Variants in CNTROB observed in about 807,000 individuals in gnomAD.
The protein encoded by CNTROB is centrobin, centriole duplication and spindle assembly protein.
In CNTROB, 82 loss-of-function variants were observed where a neutral mutation model predicts 115.7. That is an observed-to-expected ratio of 0.71 (90% CI 0.59 to 0.85). The LOEUF (loss-of-function observed/expected upper bound fraction) is 0.85, where lower values mean the gene tolerates loss of function less well. Among genes scored for constraint, CNTROB ranks in the 40% least tolerant of loss-of-function variants. CNTROB has a pLI of 0.00. For missense variants in CNTROB, 1,014 were observed against 1,144.4 expected (o/e 0.89, Z 1.64); for synonymous variants, 439 against 456.4 (o/e 0.96, Z 0.49).
At chr17:7,934,347 C>A in intron 2 of CNTROB, 118 bp from the exon 3 acceptor site, 1 of 1,331,282 alleles carries the variant, frequency 7.5e-7, no homozygotes, top group Non-Finnish European at 1.1e-6. Flanking sequence ...GTCTCCCGTT[C>A]TTTGGGAGAG....
Position 7,944,353 on chromosome 17 carries a change from T to A in CNTROB, c.1571+105T>A. The A allele has an allele frequency of 6.4e-7, 1 of 1,554,346 alleles. No homozygotes were observed. The highest frequency in any genetic ancestry group is 8.9e-7 in the Non-Finnish European group (1 of 1,127,498). On this transcript the variant is annotated intron_variant, in intron 11 of 18. Transcript: ENST00000563694. This position sits in a 1 kb window ranked among gnomAD's most constrained non-coding sequence, Gnocchi z 4.0. ...TGCTCCCTTGATTGATCTGTCCTCC[T>A]CTACATGGGCCCCAGCTCCTTTCAG...
Position 7,949,620 on chromosome 17 carries a change from T to C in CNTROB, c.*110T>C, listed in dbSNP as rs1974994250. The C allele has an allele frequency of 8.6e-7, 1 of 1,167,972 alleles. No homozygotes were observed. The highest frequency in any genetic ancestry group is 2.1e-4 in the Middle Eastern group (1 of 4,800). 72.4% of individuals were successfully genotyped at this position (1,167,972 alleles called of 1,614,324 possible). Reference sequence around the variant, plus strand: ...ATAGGAATTTGGAAAATAGAGGTTTTGTAGGGAATCACTTCGTAAAGAAAC... The same window carrying C: ...ATAGGAATTTGGAAAATAGAGGTTTCGTAGGGAATCACTTCGTAAAGAAAC... On this transcript the variant is annotated 3_prime_UTR_variant, in exon 19 of 19. Coordinates refer to ENST00000563694, the MANE Select transcript of CNTROB (RefSeq NM_053051.5).
rs1973557480 is a variant in CNTROB at position 7,939,282 on chromosome 17, G to A, written c.928-231G>A. ...TAATTTTTGTATTTTTAGTAGAGAT[G>A]GGGTTTCACCATGTTGGACCAGGCT... On this transcript the variant is annotated intron_variant, in intron 7 of 18. Transcript: ENST00000563694. This position sits in a 1 kb window ranked among gnomAD's most constrained non-coding sequence, Gnocchi z 4.4. 6.7e-6 allele frequency among the ~76,000 whole-genome samples: 1 copy of A among 149,198 alleles called. No individual in the cohort carries two copies. Among genetic ancestry groups the A allele is most frequent in the Admixed American group, 6.7e-5 (1 of 14,996 alleles).
Position 7,939,873 on chromosome 17 carries a change from G to A in CNTROB, c.1164+124G>A. On this transcript the variant is annotated intron_variant, in intron 8 of 18. Coordinates refer to ENST00000563694, the MANE Select transcript of CNTROB (RefSeq NM_053051.5). The surrounding 1 kb of genome is among the most constrained non-coding windows in gnomAD (Gnocchi z 4.4). ...GCAGGAATGGAGAGTAGAGAGCCATGTGTGGGAGACAAGGTTGAGAGTATA... is the reference window on the plus strand; with the variant it reads ...GCAGGAATGGAGAGTAGAGAGCCATATGTGGGAGACAAGGTTGAGAGTATA... 9.2e-7 allele frequency: 1 copy of A among 1,087,916 alleles called. No homozygotes were observed. The highest frequency in any genetic ancestry group is 1.5e-5 in the South Asian group (1 of 68,950). 67.4% of individuals were successfully genotyped at this position (1,087,916 alleles called of 1,614,324 possible). A position where few individuals can be genotyped will look rare whatever the true frequency, so the allele number is the denominator to read the frequency against.
At chr17:7,940,794 A>AAATTC (rs902081620) in intron 9 of CNTROB, among the ~76,000 whole-genome samples, 2 of 152,250 alleles carry the variant, frequency 1.3e-5, no homozygotes, top group African/African-American at 4.8e-5. Context: ...ACTGAATTTT[A>AAATTC]AATTCAAACT....
Position 7,935,173 on chromosome 17 carries a change from G to C in CNTROB, c.594+28G>C, listed in dbSNP as rs572996043. 121 of 1,613,460 alleles carry C rather than the reference G, an allele frequency of 7.5e-5. No individual in the cohort carries two copies. In the East Asian group the frequency reaches 1.5e-3, roughly 20 times the overall value. Reference sequence around the variant, plus strand: ...AAGATGCAAACGCTTCCTTTCGAAAGCAGCAAAGATTAGAAAGAGGGGACC... The same window carrying C: ...AAGATGCAAACGCTTCCTTTCGAAACCAGCAAAGATTAGAAAGAGGGGACC... On this transcript the variant is annotated intron_variant, in intron 4 of 18. Coordinates refer to ENST00000563694, the MANE Select transcript of CNTROB (RefSeq NM_053051.5).
intron 1 of CNTROB, among the ~76,000 whole-genome samples, chr17:7,933,703 A>C (rs1972800833): frequency 6.6e-6 from 1 of 152,246 alleles, no homozygotes; most frequent in African/African-American, 2.4e-5. Flanking sequence ...CGATCCTTCC[A>C]GCTCAACACT....
rs144153891 is a variant in CNTROB, at chr17:7,949,039, G to A, written c.2514-46G>A. 2.4e-3 allele frequency: 3,910 copies of A among 1,612,104 alleles called. 11 individuals are homozygous for A. The highest frequency in any genetic ancestry group is 3.5e-3 in the South Asian group (315 of 91,020). On this transcript the variant is annotated intron_variant, in intron 17 of 18. Coordinates refer to ENST00000563694, the MANE Select transcript of CNTROB (RefSeq NM_053051.5). ...TTCTTCCATCCAGTATTGGGTAACC[G>A]GGGGGACGGAGATCCCCATCCTCAT...
In CNTROB at chr17:7,946,104, C is replaced by T. The variant is rs1216039864; in HGVS notation, c.1993+118C>T. ...TAGTTTCCCAGATGCCTTTAGTGAT[C>T]GCAAGTTGCAAGGAGCAGAAATCTG... On this transcript the variant is annotated intron_variant, in intron 13 of 18. Coordinates refer to ENST00000563694, the MANE Select transcript of CNTROB (RefSeq NM_053051.5). The T allele has an allele frequency of 7.8e-6, 7 of 900,410 alleles. 1 individual carries two copies. The highest frequency in any genetic ancestry group is 1.7e-5 in the African/African-American group (1 of 59,998). The allele number at this position is 900,410 out of a possible 1,614,324, so 55.8% of individuals were successfully genotyped here. A position where few individuals can be genotyped will look rare whatever the true frequency, so the allele number is the denominator to read the frequency against.
In CNTROB at chr17:7,948,840, C is replaced by T. The variant is rs1192076825; in HGVS notation, c.2513+221C>T. On this transcript the variant is annotated intron_variant, in intron 17 of 18. Coordinates refer to ENST00000563694, the MANE Select transcript of CNTROB (RefSeq NM_053051.5). This position sits in a 1 kb window ranked among gnomAD's most constrained non-coding sequence, Gnocchi z 4.4. Reference sequence around the variant, plus strand: ...CTTCTAAACAAAAAAATCTTTTCCCCGGGTCTCTCTACCTTCGTTTTTTTC... The same window carrying T: ...CTTCTAAACAAAAAAATCTTTTCCCTGGGTCTCTCTACCTTCGTTTTTTTC... The T allele has an allele frequency of 7.5e-5, 109 of 1,459,562 alleles. No individual in the cohort carries two copies. Among genetic ancestry groups the T allele is most frequent in the Middle Eastern group, 2.4e-4 (1 of 4,084 alleles). The allele number at this position is 1,459,562 out of a possible 1,614,324, so 90.4% of individuals were successfully genotyped here. A position where few individuals can be genotyped will look rare whatever the true frequency, so the allele number is the denominator to read the frequency against.
chr17:7,942,951 G>A lies in CNTROB; in HGVS notation c.1312-440G>A, dbSNP rs575071362. On this transcript the variant is annotated intron_variant, in intron 9 of 18. Transcript: ENST00000563694. ...CAAGTAGCTGGGACTACAGGCGCCC[G>A]CCAACACGCCCGGCTAATTTTTTGT... Among the ~76,000 whole-genome samples the A allele has an allele frequency of 1.3e-4, 19 of 150,718 alleles. No homozygotes were observed. The South Asian group carries it at 2.5e-3, about 20-fold the overall frequency.
At position 7,932,940 on chromosome 17, in the gene CNTROB, T is replaced by G; in HGVS notation, c.-140T>G. The G allele has an allele frequency of 1.1e-6, 1 of 935,674 alleles. No homozygotes were observed. Among genetic ancestry groups the G allele is most frequent in the Admixed American group, 2.5e-5 (1 of 40,228 alleles). The allele number at this position is 935,674 out of a possible 1,614,324, so 58.0% of individuals were successfully genotyped here. On this transcript the variant is annotated 5_prime_UTR_variant, in exon 1 of 19. Coordinates refer to ENST00000563694, the MANE Select transcript of CNTROB (RefSeq NM_053051.5). ...TTCCTCTAACCAGAAAGCCTCGATATCCTTAATTCACCAAGGATCCTTGGC... is the reference window on the plus strand; with the variant it reads ...TTCCTCTAACCAGAAAGCCTCGATAGCCTTAATTCACCAAGGATCCTTGGC...
At position 7,933,126 on chromosome 17, in the gene CNTROB, A is replaced by G; in HGVS notation, c.47A>G (p.Asp16Gly). Residue 16 changes from aspartate to glycine, a missense_variant, in exon 1 of 19, where the codon GAT (aspartate) becomes GGT (glycine). Coordinates refer to ENST00000563694, the MANE Select transcript of CNTROB (RefSeq NM_053051.5). ...DSPSSPLGAEDLLSDSSEPPG... is the reference protein window; with the variant it reads ...DSPSSPLGAEGLLSDSSEPPG... ...CCCAGTTCACCCCTCGGGGCGGAGG[A>G]TCTCCTGAGTGATTCATCAGAACCC... The G allele has an allele frequency of 1.2e-6, 2 of 1,613,978 alleles. No homozygotes were observed. The highest frequency in any genetic ancestry group is 1.7e-6 in the Non-Finnish European group (2 of 1,179,986).
chr17:7,937,106 T>C (rs950711041), intron 6 of CNTROB, 58 bp from the exon 7 acceptor site: 2 of 1,600,068 alleles, frequency 1.2e-6, no homozygotes, highest in Admixed American at 1.7e-5. Flanking sequence ...CTTTATAAAA[T>C]ATAGCACACA....
chr17:7,949,446 C>T lies in CNTROB; in HGVS notation c.2648C>T (p.Ala883Val), dbSNP rs374568963. The change falls in exon 19 of 19, where the codon GCA becomes GTA. Residue 883 changes from alanine to valine, a missense_variant. Physicochemically the swap from Ala to Val is moderately conservative, Grantham distance 64 (BLOSUM62 0). Transcript: ENST00000563694. ...GCCCCCAAGACTGAAAAACCTCCCG[C>T]ACGGAAGAAAAGTGGGCACCCTGCC... ...ATAPKTEKPP[A>V]RKKSGHPAPS... is the part of the protein sequence containing the mutation. 4 of 1,614,148 alleles carry T rather than the reference C, an allele frequency of 2.5e-6. No homozygotes were observed. The East Asian group carries it at 8.9e-5, about 36-fold the overall frequency.
At chr17:7,933,439 G>T in intron 1 of CNTROB, 90 bp downstream of exon 1, 2 of 1,315,636 alleles carry the variant, frequency 1.5e-6, no homozygotes, top group Non-Finnish European at 2.1e-6. Context: ...GCTTTGATGA[G>T]ATTTGAACTC....
At position 7,943,994 on chromosome 17, in the gene CNTROB, CTGTGCCA is replaced by C. The variant is rs1371616478; in HGVS notation, c.1446-126_1446-120del. ...ACCCCAGCTTTGTCCTTGCCGCTTC[CTGTGCCA>C]TGGCCAGGCTAGCTGACTGGCTATC... On this transcript the variant is annotated intron_variant, in intron 10 of 18. Transcript: ENST00000563694. The surrounding 1 kb of genome is among the most constrained non-coding windows in gnomAD (Gnocchi z 4.7). The C allele has an allele frequency of 1.5e-6, 1 of 681,814 alleles. No individual in the cohort carries two copies. 42.2% of individuals were successfully genotyped at this position (681,814 alleles called of 1,614,324 possible).
Position 7,933,215 on chromosome 17 carries a change from C to T in CNTROB, c.136C>T (p.Arg46Trp), listed in dbSNP as rs374501179. 22 of 1,614,120 alleles carry T rather than the reference C, an allele frequency of 1.4e-5. No individual in the cohort carries two copies. Among genetic ancestry groups the T allele is most frequent in the Non-Finnish European group, 1.7e-5 (20 of 1,180,066 alleles). The change falls in exon 1 of 19, where the codon CGG becomes TGG. Residue 46 changes from arginine (R) to tryptophan (W), a missense_variant. Arg to Trp is a moderately radical substitution (Grantham distance 101, BLOSUM62 -3). Coordinates refer to ENST00000563694, the MANE Select transcript of CNTROB (RefSeq NM_053051.5). ...SQLYASLRLSRQAEATARAQL... is the reference protein window; with the variant it reads ...SQLYASLRLSWQAEATARAQL... Reference sequence around the variant, plus strand: ...GCTCTATGCTTCTTTGCGCCTCAGCCGGCAGGCGGAGGCCACGGCCCGAGC... The same window carrying T: ...GCTCTATGCTTCTTTGCGCCTCAGCTGGCAGGCGGAGGCCACGGCCCGAGC...
In CNTROB at chr17:7,932,966, G is replaced by A; in HGVS notation, c.-114G>A. ...CCTTAATTCACCAAGGATCCTTGGC[G>A]TGGAGTCTTCCTCCCTTCTCCCAAG... On this transcript the variant is annotated 5_prime_UTR_variant, in exon 1 of 19. In the 5' UTR this introduces an upstream ATG that the reference lacks. Transcript: ENST00000563694. 18 of 1,143,772 alleles carry A rather than the reference G, an allele frequency of 1.6e-5. No homozygotes were observed. Among genetic ancestry groups the A allele is most frequent in the Non-Finnish European group, 2.2e-5 (18 of 804,336 alleles). 70.9% of individuals were successfully genotyped at this position (1,143,772 alleles called of 1,614,324 possible).
Sources: allele counts gnomAD v4.1 joint callset (sites outside exome capture counted in the v4.1 genomes callset), GRCh38; gene constraint gnomAD v4.1.1; non-coding constraint Gnocchi (gnomAD v3.1); transcripts MANE v1.5; gene names NCBI Gene and HGNC (gene_info 2026-07-23, HGNC 2026-07-21).